The following ATF7 variants were observed in gnomAD, a reference collection of about 807,000 sequenced individuals.
ATF7 encodes activating transcription factor 7.
A neutral mutation model predicts 50.4 loss-of-function variants in ATF7; 10 were observed. The ratio of observed to expected loss-of-function variants is 0.20; its 90% CI spans 0.12 to 0.34. The LOEUF is 0.34. ATF7 is among the 10% of genes least tolerant of loss of function. The probability of loss-of-function intolerance (pLI) is 1.00; values close to 1 mark genes in which losing one functional copy is unlikely to be tolerated. For missense variants in ATF7, 465 were observed against 613.9 expected, an observed-to-expected ratio of 0.76 and a Z score of 2.56; for synonymous variants, 201 against 226.4, an observed-to-expected ratio of 0.89 and a Z score of 1.01.
At chr12:53,618,103 T>C (rs963214394) in intron 1 of ATF7, among the ~76,000 whole-genome samples, 5 of 152,238 alleles carry the variant, frequency 3.3e-5, no homozygotes, top group Non-Finnish European at 5.9e-5. Context: ...GTTTTGTTTT[T>C]AGCTCAAAGG....
chr12:53,601,136 T>C (rs1943385658), intron 1 of ATF7, 115 bp from the exon 2 acceptor site: 1 of 750,466 alleles, frequency 1.3e-6, no homozygotes, highest in Admixed American at 2.7e-5. Flanking sequence ...ATGCCATCTA[T>C]CAAAGTTGTA....
downstream of ATF7, among the ~76,000 whole-genome samples, chr12:53,510,399 G>A (rs1323742529): frequency 6.6e-6 from 1 of 152,214 alleles, no homozygotes; most frequent in Admixed American, 6.5e-5. Context: ...TCTGTGGGCA[G>A]TAGCTGCTGC....
intron 1 of ATF7, among the ~76,000 whole-genome samples, chr12:53,614,701 G>A (rs1044363615): frequency 2.0e-5 from 3 of 152,048 alleles, no homozygotes; most frequent in Non-Finnish European, 2.9e-5. Context: ...TCCAATGCTC[G>A]CCAATTCACT....
rs1424632939 is a variant in ATF7 at position 53,622,640 on chromosome 12, G to A, written c.-22+3639C>T. On this transcript the variant is annotated intron_variant, in intron 1 of 11. Coordinates refer to ENST00000420353, the MANE Select transcript of ATF7 (RefSeq NM_006856.3). ...TGCACTCCAGCCAGGGCAAAAGTGCGAAATTGCGTCTCAAAAAAAAAAAAA... is the reference window on the plus strand; with the variant it reads ...TGCACTCCAGCCAGGGCAAAAGTGCAAAATTGCGTCTCAAAAAAAAAAAAA... Among the ~76,000 whole-genome samples the A allele has an allele frequency of 2.9e-5, 4 of 136,480 alleles. No homozygotes were observed. In the Admixed American group the frequency reaches 3.1e-4, roughly 11 times the overall value. 89.5% of individuals were successfully genotyped at this position (136,480 alleles called of 152,430 possible).
At chr12:53,522,733 G>C (rs1425555488) in intron 11 of ATF7, 2 of 152,746 alleles carry the variant, frequency 1.3e-5, no homozygotes, top group Non-Finnish European at 2.9e-5. Context: ...TGGGCATGGT[G>C]GTGGGCGCCT....
chr12:53,571,460 C>T (rs1036025169), intron 2 of ATF7, among the ~76,000 whole-genome samples: 1 of 151,906 alleles, frequency 6.6e-6, no homozygotes, highest in Non-Finnish European at 1.5e-5. Context: ...AGGTGACAAA[C>T]TCCAAGCAAT....
chr12:53,622,652 C>CA (rs11348452), intron 1 of ATF7, among the ~76,000 whole-genome samples: 2,632 of 97,128 alleles, frequency 0.027, 55 homozygotes, highest in African/African-American at 0.059. Context: ...AATTGCGTCT[C>CA]AAAAAAAAAA....
rs1937658018 is a variant in ATF7, at chr12:53,515,628, AC to A, written c.*1508del. ...AGAGAGATGAATTGCTCCCTCTGCA[AC>A]CCAACTCTTCAAAGTAAGAATGGTT... On this transcript the variant is annotated 3_prime_UTR_variant, in exon 12 of 12. Transcript: ENST00000420353. 6.6e-6 allele frequency: 1 copy of A among 151,928 alleles called. No individual in the cohort carries two copies. 9.4% of individuals were successfully genotyped at this position (151,928 alleles called of 1,614,324 possible). A position where few individuals can be genotyped will look rare whatever the true frequency, so the allele number is the denominator to read the frequency against.
At chr12:53,615,255 G>C (rs1041332567) in intron 1 of ATF7, among the ~76,000 whole-genome samples, 3 of 151,960 alleles carry the variant, frequency 2.0e-5, no homozygotes, top group African/African-American at 7.3e-5. Context: ...ATGGTGGCGG[G>C]CGCCTGTAGT....
At chr12:53,541,029 G>A (rs1045995110) in intron 4 of ATF7, among the ~76,000 whole-genome samples, 13 of 152,074 alleles carry the variant, frequency 8.5e-5, no homozygotes, top group African/African-American at 1.4e-4. Flanking sequence ...CAGGCCTCGC[G>A]CAGCCCTCTT....
At chr12:53,532,405 C>T (rs1463326462) in intron 8 of ATF7, 105 bp downstream of exon 8, 1 of 906,196 alleles carries the variant, frequency 1.1e-6, no homozygotes, top group Non-Finnish European at 1.7e-6. Context: ...CTTAGCTTTG[C>T]AAGCCCCAGA....
Position 53,543,459 on chromosome 12 carries a change from GAAAGA to G in ATF7, c.146-16_146-12del, listed in dbSNP as rs777501754. 1.9e-6 allele frequency: 3 copies of G among 1,558,184 alleles called. No individual in the cohort carries two copies. The highest frequency in any genetic ancestry group is 2.6e-6 in the Non-Finnish European group (3 of 1,151,662). ...GAGTAGGCGTTTGATCTGTAGACAT[GAAAGA>G]AAAGGAAACTGTTTTAGTTTTGATC... is the stretch of plus-strand genomic sequence containing the variant. On this transcript the variant is annotated splice_polypyrimidine_tract_variant and intron_variant, in intron 3 of 11. Transcript: ENST00000420353.
At chr12:53,532,679 G>A (rs1369505888) in intron 7 of ATF7, 56 bp from the exon 8 acceptor site, 2 of 1,293,020 alleles carry the variant, frequency 1.5e-6, no homozygotes, top group East Asian at 5.1e-5. Context: ...ACCATCGGTG[G>A]GGCAACAGTT....
intron 9 of ATF7, 106 bp downstream of exon 9, chr12:53,531,638 C>T: frequency 7.9e-7 from 1 of 1,272,694 alleles, no homozygotes; most frequent in South Asian, 1.9e-5. Context: ...AGGAAGAAAC[C>T]CAGAAAGCTG....
chr12:53,583,816 CA>C (rs1485785534), intron 2 of ATF7, among the ~76,000 whole-genome samples: 2 of 152,080 alleles, frequency 1.3e-5, no homozygotes, highest in Non-Finnish European at 2.9e-5. Flanking sequence ...GACTGTCATA[CA>C]AAATACACAA....
chr12:53,614,701 G>C (rs1044363615), intron 1 of ATF7, among the ~76,000 whole-genome samples: 3 of 152,048 alleles, frequency 2.0e-5, no homozygotes, highest in Admixed American at 6.6e-5. Context: ...TCCAATGCTC[G>C]CCAATTCACT....
At chr12:53,556,529 G>A (rs1940765407) in intron 2 of ATF7, among the ~76,000 whole-genome samples, 1 of 152,218 alleles carries the variant, frequency 6.6e-6, no homozygotes, top group South Asian at 2.1e-4. Flanking sequence ...CCCAGGAGGT[G>A]GAGGTTGCAG....
intron 3 of ATF7, among the ~76,000 whole-genome samples, chr12:53,546,659 A>G (rs1269072501): frequency 1.3e-5 from 2 of 152,000 alleles, no homozygotes; most frequent in Non-Finnish European, 2.9e-5. Flanking sequence ...AATGTTGGCC[A>G]GGCTGGTCTC....
At chr12:53,601,068 G>T in intron 1 of ATF7, 47 bp from the exon 2 acceptor site, 3 of 1,178,310 alleles carry the variant, frequency 2.5e-6, no homozygotes, top group South Asian at 1.5e-5. Context: ...ATATGCTGGA[G>T]CAAAAAAAAA....
Sources: allele counts gnomAD v4.1 joint callset (sites outside exome capture counted in the v4.1 genomes callset), GRCh38; gene constraint gnomAD v4.1.1; transcripts MANE v1.5; gene names NCBI Gene and HGNC (gene_info 2026-07-23, HGNC 2026-07-21).